The following DNAH3 variants were observed in gnomAD, a reference collection of about 807,000 sequenced individuals.
The protein encoded by DNAH3 is dynein axonemal heavy chain 3.
Under a neutral mutation model 432.5 loss-of-function variants are expected in DNAH3, and 332 were observed. That is an observed-to-expected ratio of 0.77 (90% CI 0.70 to 0.84). The LOEUF (loss-of-function observed/expected upper bound fraction) is 0.84. Among genes scored for constraint, DNAH3 ranks in the 40% least tolerant of loss-of-function variants. DNAH3 has a pLI of 0.00. For synonymous variants in DNAH3, 1,956 were observed against 1,900.2 expected (o/e 1.03, Z -0.76); for missense variants, 4,861 against 5,114.0 (o/e 0.95, Z 1.51).
At chr16:21,144,544 C>T (rs576677457) in intron 3 of DNAH3, among the ~76,000 whole-genome samples, 8 of 152,210 alleles carry the variant, frequency 5.3e-5, no homozygotes, top group African/African-American at 1.9e-4. Context: ...AGTGAGGGGC[C>T]CTGAGCCAGC....
chr16:20,944,628 T>A (rs976448806), exon 58 of DNAH3: 3 of 1,614,014 alleles, frequency 1.9e-6, no homozygotes, highest in Non-Finnish European at 2.5e-6. Context: ...CTGGGTGGGC[T>A]GTGATGGGGA....
At chr16:21,118,964 GT>G (rs2092273123) in intron 11 of DNAH3, among the ~76,000 whole-genome samples, 1 of 152,162 alleles carries the variant, frequency 6.6e-6, no homozygotes, top group Admixed American at 6.5e-5. Flanking sequence ...AGTTACATGG[GT>G]TATATGCCTT....
chr16:21,104,646 C>G, intron 15 of DNAH3, 52 bp from the exon 16 acceptor site: 1 of 1,072,538 alleles, frequency 9.3e-7, no homozygotes, highest in Non-Finnish European at 1.4e-6. Flanking sequence ...TAGGTCGGGT[C>G]AGCATGTGGC....
chr16:21,122,426 G>A (rs1196817676), intron 9 of DNAH3, among the ~76,000 whole-genome samples: 1 of 152,064 alleles, frequency 6.6e-6, no homozygotes, highest in Non-Finnish European at 1.5e-5. Context: ...GCATGGTGAT[G>A]GGTGCTTGTA....
At chr16:21,021,869 C>CTCTA in intron 40 of DNAH3, 102 bp downstream of exon 40, 1 of 1,422,038 alleles carries the variant, frequency 7.0e-7, no homozygotes, top group Admixed American at 2.2e-5. Flanking sequence ...TGCCACTGCA[C>CTCTA]TCTAGCCTTG....
intron 8 of DNAH3, among the ~76,000 whole-genome samples, chr16:21,127,318 C>G (rs561351992): frequency 1.3e-5 from 2 of 150,742 alleles, no homozygotes; most frequent in African/African-American, 4.9e-5. Flanking sequence ...TTTGGGAGGC[C>G]GAGGCAGGCA....
exon 44 of DNAH3, chr16:20,997,406 G>A (rs767327308): frequency 6.2e-7 from 1 of 1,614,182 alleles, no homozygotes; most frequent in Admixed American, 1.7e-5. Context: ...CACTGCCTCA[G>A]GAGCTCGATG....
chr16:21,089,917 TA>T (rs1396501691), intron 18 of DNAH3, among the ~76,000 whole-genome samples: 1 of 151,716 alleles, frequency 6.6e-6, no homozygotes, highest in Non-Finnish European at 1.5e-5. Flanking sequence ...AAAAAAAAGA[TA>T]AACTTCTAGC....
chr16:20,968,055 G>T (rs895508886), intron 52 of DNAH3, among the ~76,000 whole-genome samples: 5 of 152,094 alleles, frequency 3.3e-5, no homozygotes, highest in Admixed American at 6.6e-5. Context: ...GAGCCAGAAG[G>T]TCTCAAATGA....
At chr16:21,088,004 T>C (rs1445977224) in intron 18 of DNAH3, among the ~76,000 whole-genome samples, 4 of 152,142 alleles carry the variant, frequency 2.6e-5, no homozygotes, top group Non-Finnish European at 1.5e-5. Context: ...CCTTTAGCAT[T>C]TGGGTTTCAC....
chr16:20,959,201 C>T (rs183710704), exon 54 of DNAH3: 182 of 1,614,206 alleles, frequency 1.1e-4, no homozygotes, highest in East Asian at 9.1e-4. Context: ...TTGGTGCTCT[C>T]AGGAACAATC....
At chr16:21,143,551 T>C (rs1229956060) in intron 3 of DNAH3, among the ~76,000 whole-genome samples, 3 of 152,170 alleles carry the variant, frequency 2.0e-5, no homozygotes, top group African/African-American at 7.2e-5. Flanking sequence ...TATGATTCTT[T>C]GTTATAGCAG....
chr16:21,157,686 G>A (rs1043687609), intron 1 of DNAH3, among the ~76,000 whole-genome samples: 1 of 152,164 alleles, frequency 6.6e-6, no homozygotes, highest in African/African-American at 2.4e-5. Context: ...AGGCAAAGAG[G>A]AGAGGTCGGT....
At chr16:21,119,737 C>T (rs2092293754) in intron 11 of DNAH3, among the ~76,000 whole-genome samples, 2 of 151,926 alleles carry the variant, frequency 1.3e-5, no homozygotes, top group Admixed American at 6.6e-5. Flanking sequence ...GCTGGGACTA[C>T]AGGCACCCGC....
At chr16:21,153,994 G>C (rs963455903) in intron 1 of DNAH3, among the ~76,000 whole-genome samples, 1 of 152,248 alleles carries the variant, frequency 6.6e-6, no homozygotes, top group African/African-American at 2.4e-5. Flanking sequence ...AATTGAGACA[G>C]TGGGAGAGCT....
At chr16:21,139,375 C>T (rs148250989) in intron 5 of DNAH3, among the ~76,000 whole-genome samples, 45 of 104,734 alleles carry the variant, frequency 4.3e-4, no homozygotes, top group Admixed American at 1.3e-3. Context: ...CTCTGTTGCC[C>T]AGGCTGGAGT....
chr16:21,149,902 T>C (rs2092831622), intron 1 of DNAH3, among the ~76,000 whole-genome samples: 1 of 152,164 alleles, frequency 6.6e-6, no homozygotes, highest in Non-Finnish European at 1.5e-5. Flanking sequence ...CAATTGGCCC[T>C]CTTCCCACAT....
Position 20,944,665 on chromosome 16 carries a change from T to A in DNAH3, c.11344-2A>T. On this transcript the variant is annotated splice_acceptor_variant, in intron 57 of 61. Coordinates refer to ENST00000261383, the Ensembl canonical transcript of DNAH3. LOFTEE classifies it high-confidence loss of function. ...ATTCCTGAGATAGTCGATATAGGACTGGAAGGGAAATCTTCAGTTGAAATC... is the reference window on the plus strand; with the variant it reads ...ATTCCTGAGATAGTCGATATAGGACAGGAAGGGAAATCTTCAGTTGAAATC... 1 of 1,613,968 alleles carries A rather than the reference T, an allele frequency of 6.2e-7. No individual in the cohort carries two copies. Among genetic ancestry groups the A allele is most frequent in the South Asian group, 1.1e-5 (1 of 91,076 alleles).
Position 20,948,457 on chromosome 16 carries a change from G to T in DNAH3, c.11343+26C>A, listed in dbSNP as rs556394610. On this transcript the variant is annotated intron_variant, in intron 57 of 61. Coordinates refer to ENST00000261383, the Ensembl canonical transcript of DNAH3. ...ATGACGGAGCCCTGTGGGGGAAAGA[G>T]GTAGGCCTCCCTGCCCACCCCTTAC... is the stretch of plus-strand genomic sequence containing the variant. 2.4e-5 allele frequency: 39 copies of T among 1,608,204 alleles called. No homozygotes were observed. In the South Asian group the frequency reaches 3.9e-4, roughly 16 times the overall value.
Sources: gnomAD v4.1 joint callset for allele counts (sites outside exome capture counted in the v4.1 genomes callset) on GRCh38, gnomAD v4.1.1 for gene constraint, MANE v1.5 for transcripts, NCBI Gene and HGNC (gene_info 2026-07-23, HGNC 2026-07-21) for gene names.